Variants in SFRP1 observed in about 807,000 individuals in gnomAD.
SFRP1 encodes secreted frizzled related protein 1, also known as secreted frizzled-related protein 1.
A neutral mutation model predicts 25.9 loss-of-function variants in SFRP1; 9 were observed. The observed-to-expected ratio is 0.35, with a 90% confidence interval of 0.21 to 0.61. The LOEUF (loss-of-function observed/expected upper bound fraction) is 0.61. SFRP1 is among the 20% of genes least tolerant of loss of function. SFRP1 has a pLI of 0.78. For synonymous variants in SFRP1, 178 were observed against 174.0 expected, an observed-to-expected ratio of 1.02 and a Z score of -0.18; for missense variants, 346 against 418.2, an observed-to-expected ratio of 0.83 and a Z score of 1.51.
chr8:41,302,594 T>C (rs938525068), intron 2 of SFRP1, among the ~76,000 whole-genome samples: 1 of 152,212 alleles, frequency 6.6e-6, no homozygotes, highest in African/African-American at 2.4e-5. Flanking sequence ...AAGTGTGGCT[T>C]GGCCGGAGCC....
At chr8:41,295,434 C>A (rs1156419084) in intron 2 of SFRP1, among the ~76,000 whole-genome samples, 3 of 151,270 alleles carry the variant, frequency 2.0e-5, no homozygotes, top group Non-Finnish European at 4.4e-5. Context: ...GAGGCCGAGG[C>A]AGAAAAATTC....
chr8:41,308,585 G>A (rs1397375048), intron 1 of SFRP1, 31 bp downstream of exon 1: 10 of 1,516,968 alleles, frequency 6.6e-6, no homozygotes, highest in Non-Finnish European at 8.9e-6. Context: ...TGGAGGGGGC[G>A]GCTCGCGCAC....
chr8:41,308,786 G>C lies in SFRP1; in HGVS notation c.374C>G (p.Pro125Arg). The change falls in exon 1 of 3, where the codon CCC (proline) becomes CGC (arginine). Residue 125 changes from proline (P) to arginine (R), a missense_variant. By Grantham distance (103) the Pro-to-Arg change is moderately radical. Coordinates refer to ENST00000220772, the MANE Select transcript of SFRP1 (RefSeq NM_003012.5). ...SLFAPVCLDR[P>R]IYPCRWLCEA... Reference sequence around the variant, plus strand: ...GCAGAGCCAGCGACACGGGTAGATGGGCCGGTCCAGGCAGACGGGCGCGAA... The same window carrying C: ...GCAGAGCCAGCGACACGGGTAGATGCGCCGGTCCAGGCAGACGGGCGCGAA... 3.1e-6 allele frequency: 5 copies of C among 1,611,002 alleles called. No homozygotes were observed. The highest frequency in any genetic ancestry group is 4.2e-6 in the Non-Finnish European group (5 of 1,178,988).
At position 41,306,290 on chromosome 8, in the gene SFRP1, CA is replaced by C. The variant is rs555599409; in HGVS notation, c.544+2325del. Among the ~76,000 whole-genome samples the C allele has an allele frequency of 4.3e-4, 65 of 152,252 alleles. No individual in the cohort carries two copies. The South Asian group carries it at 0.013, about 31-fold the overall frequency. ...AAGTGTGTGAACAGAAACCAGTATG[CA>C]AAGATATGACACTGCTTTGAAAATG... On this transcript the variant is annotated intron_variant, in intron 1 of 2. Transcript: ENST00000220772.
chr8:41,298,278 A>G (rs1246710837), intron 2 of SFRP1: 1 of 152,206 alleles, frequency 6.6e-6, no homozygotes, highest in Non-Finnish European at 1.5e-5. Context: ...AGAATAAGAT[A>G]CAGTCTTCAG....
chr8:41,290,601 C>T (rs1306770031), intron 2 of SFRP1, among the ~76,000 whole-genome samples: 6 of 152,308 alleles, frequency 3.9e-5, no homozygotes, highest in African/African-American at 1.4e-4. Context: ...GGGCACTGAC[C>T]GCAGCAGATG....
At chr8:41,276,600 TGC>T (rs2117488610) in intron 2 of SFRP1, among the ~76,000 whole-genome samples, 1 of 152,336 alleles carries the variant, frequency 6.6e-6, no homozygotes, top group South Asian at 2.1e-4. Context: ...CATACTTGGA[TGC>T]ATTTGCTGAC....
intron 2 of SFRP1, chr8:41,275,324 G>C (rs897588382): frequency 6.7e-6 from 2 of 296,304 alleles, no homozygotes; most frequent in Admixed American, 1.1e-4. Flanking sequence ...TTTTCCAAAA[G>C]GTGCTGTTAA....
intron 2 of SFRP1, among the ~76,000 whole-genome samples, chr8:41,290,329 G>A (rs1468351928): frequency 6.6e-6 from 1 of 152,206 alleles, no homozygotes; most frequent in African/African-American, 2.4e-5. Flanking sequence ...CTCTTTCAGG[G>A]AAGCTCCAGA....
Position 41,298,678 on chromosome 8 carries a change from G to A in SFRP1, c.622+4783C>T, listed in dbSNP as rs187953783. On this transcript the variant is annotated intron_variant, in intron 2 of 2. Coordinates refer to ENST00000220772, the MANE Select transcript of SFRP1 (RefSeq NM_003012.5). ...AATCCTCCTGCCTCACCCTCCCAAAGCATTGAGATTACAGATGTGAGACAG... is the reference window on the plus strand; with the variant it reads ...AATCCTCCTGCCTCACCCTCCCAAAACATTGAGATTACAGATGTGAGACAG... Among the ~76,000 whole-genome samples the A allele has an allele frequency of 2.6e-3, 396 of 152,182 alleles. 1 individual carries two copies. The highest frequency in any genetic ancestry group is 3.2e-3 in the Non-Finnish European group (221 of 68,022).
chr8:41,289,448 TGTTTCTTAA>T (rs1803749398), intron 2 of SFRP1, among the ~76,000 whole-genome samples: 1 of 152,242 alleles, frequency 6.6e-6, no homozygotes, highest in African/African-American at 2.4e-5. Flanking sequence ...TCTTTGTTTT[TGTTTCTTAA>T]CAGGTGGGTA....
At chr8:41,293,022 C>T (rs534643602) in intron 2 of SFRP1, among the ~76,000 whole-genome samples, 8 of 152,328 alleles carry the variant, frequency 5.3e-5, no homozygotes, top group Non-Finnish European at 1.2e-4. Flanking sequence ...CTGCGGGTTA[C>T]GTGGAGGTGA....
At position 41,309,118 on chromosome 8, in the gene SFRP1, GGCT is replaced by G. The variant is rs3055861; in HGVS notation, c.39_41del (p.Ala14del). The G allele has an allele frequency of 0.37, 555,510 of 1,488,238 alleles. 107,372 individuals are homozygous for G. The highest frequency in any genetic ancestry group is 0.41 in the Admixed American group (15,491 of 37,598). 92.2% of individuals were successfully genotyped at this position (1,488,238 alleles called of 1,614,324 possible). A position where few individuals can be genotyped will look rare whatever the true frequency, so the allele number is the denominator to read the frequency against. ...CGCCCAGCGCCAGCAGCACGCCCAG[GGCT>G]GCCCCGCGGCGGCCCCCCTCGCTGC... is the stretch of plus-strand genomic sequence containing the variant. On this transcript the variant is annotated inframe_deletion, in exon 1 of 3. Coordinates refer to ENST00000220772, the MANE Select transcript of SFRP1 (RefSeq NM_003012.5).
intron 2 of SFRP1, among the ~76,000 whole-genome samples, chr8:41,289,957 C>T (rs1803755390): frequency 6.6e-6 from 1 of 152,206 alleles, no homozygotes; most frequent in Non-Finnish European, 1.5e-5. Context: ...AGACCAAGTC[C>T]CTGGGAAGCC....
intron 2 of SFRP1, among the ~76,000 whole-genome samples, chr8:41,279,029 C>T (rs1585509614): frequency 6.6e-6 from 1 of 152,190 alleles, no homozygotes. Flanking sequence ...GCCTTCCTGG[C>T]TCTCCTTGCC....
chr8:41,305,032 G>A (rs1446826732), intron 1 of SFRP1, among the ~76,000 whole-genome samples: 1 of 152,138 alleles, frequency 6.6e-6, no homozygotes, highest in Non-Finnish European at 1.5e-5. Flanking sequence ...TCACAAAGGA[G>A]ACAACTTACC....
intron 1 of SFRP1, chr8:41,307,037 T>A: frequency 7.0e-7 from 1 of 1,435,286 alleles, no homozygotes; most frequent in Non-Finnish European, 9.1e-7. Flanking sequence ...GGGAATGGAC[T>A]CCAGGTCAGG....
intron 2 of SFRP1, among the ~76,000 whole-genome samples, chr8:41,298,491 C>T (rs1803871350): frequency 6.6e-6 from 1 of 152,024 alleles, no homozygotes; most frequent in African/African-American, 2.4e-5. Flanking sequence ...ACTATAGCCT[C>T]AAATTCCTGG....
chr8:41,278,192 G>C (rs1276835227), intron 2 of SFRP1, among the ~76,000 whole-genome samples: 1 of 152,164 alleles, frequency 6.6e-6, no homozygotes, highest in African/African-American at 2.4e-5. Flanking sequence ...AGGGCAAGGT[G>C]GTCAGCACTA....
Sources: allele counts gnomAD v4.1 joint callset (sites outside exome capture counted in the v4.1 genomes callset), GRCh38; gene constraint gnomAD v4.1.1; transcripts MANE v1.5; gene names NCBI Gene and HGNC (gene_info 2026-07-23, HGNC 2026-07-21).